Variants in TMEM132D observed in about 807,000 individuals in gnomAD.
The protein encoded by TMEM132D is transmembrane protein 132D, also known as mature OL transmembrane protein.
In TMEM132D, 21 loss-of-function variants were observed where a neutral mutation model predicts 62.3. The ratio of observed to expected loss-of-function variants is 0.34; its 90% CI spans 0.24 to 0.49. The LOEUF is 0.49. TMEM132D is among the 20% of genes least tolerant of loss of function. TMEM132D has a pLI of 0.99. For synonymous variants in TMEM132D, 621 were observed against 575.6 expected (o/e 1.08, Z -1.13); for missense variants, 1,346 against 1,402.8 (o/e 0.96, Z 0.65).
intron 2 of TMEM132D, among the ~76,000 whole-genome samples, chr12:129,605,587 T>TTATATGTGTA: frequency 9.3e-6 from 1 of 107,368 alleles, no homozygotes; most frequent in South Asian, 3.2e-4. Context: ...AAATTAGGCA[T>TTATATGTGTA]TATATATATA....
chr12:129,629,063 C>G (rs1033537476), intron 2 of TMEM132D, among the ~76,000 whole-genome samples: 60 of 152,120 alleles, frequency 3.9e-4, no homozygotes, highest in African/African-American at 1.4e-3. Flanking sequence ...TCTGTATGCC[C>G]CTTTCTCCCT....
At chr12:129,891,028 C>T (rs1195450678) in intron 1 of TMEM132D, among the ~76,000 whole-genome samples, 2 of 151,978 alleles carry the variant, frequency 1.3e-5, no homozygotes, top group Admixed American at 6.6e-5. Flanking sequence ...AACCTGTTGC[C>T]CTGACTGCTT....
intron 5 of TMEM132D, among the ~76,000 whole-genome samples, chr12:129,196,609 C>T (rs1279970475): frequency 6.6e-6 from 1 of 151,998 alleles, no homozygotes; most frequent in East Asian, 1.9e-4. Flanking sequence ...GGAGGAGTAT[C>T]TTGTGTGAGG....
chr12:129,868,555 G>C (rs777314380), intron 1 of TMEM132D, among the ~76,000 whole-genome samples: 4 of 152,140 alleles, frequency 2.6e-5, no homozygotes, highest in South Asian at 2.1e-4. Flanking sequence ...CTGTGGTCAA[G>C]TCAACTCCAT....
At chr12:129,532,432 C>A (rs1429928967) in intron 2 of TMEM132D, among the ~76,000 whole-genome samples, 1 of 152,116 alleles carries the variant, frequency 6.6e-6, no homozygotes, top group Non-Finnish European at 1.5e-5. Context: ...GGACAAAAGG[C>A]GAGGGGGAGA....
chr12:129,521,380 C>A lies in TMEM132D; in HGVS notation c.1115+9679G>T, dbSNP rs187004942. 65 of 152,214 alleles carry A rather than the reference C, an allele frequency of 4.3e-4. 1 individual carries two copies. In the East Asian group the frequency reaches 0.011, roughly 27 times the overall value. 9.4% of individuals were successfully genotyped at this position (152,214 alleles called of 1,614,324 possible). The stretch of plus-strand genomic sequence containing the variant: ...AGGTGAAAAAGCTTTTAACGCTACC[C>A]CTGATTAGAATGGCTGGTGAACGGA... On this transcript the variant is annotated intron_variant, in intron 3 of 8. Coordinates refer to ENST00000422113, the MANE Select transcript of TMEM132D (RefSeq NM_133448.3).
Position 129,815,479 on chromosome 12 carries a change from T to TG in TMEM132D, c.79+87781dup, listed in dbSNP as rs541122236. Among the ~76,000 whole-genome samples the TG allele has an allele frequency of 6.2e-4, 94 of 152,282 alleles. No homozygotes were observed. In the South Asian group the frequency reaches 0.016, roughly 25 times the overall value. On this transcript the variant is annotated intron_variant, in intron 1 of 8. Transcript: ENST00000422113. ...ACCGAACCCAAGCCTACAGCTATTC[T>TG]GGGGGGGTGACTGTCTCACCGTTCC...
At chr12:129,896,029 A>C (rs1284582144) in intron 1 of TMEM132D, among the ~76,000 whole-genome samples, 1 of 140,676 alleles carries the variant, frequency 7.1e-6, no homozygotes, top group Admixed American at 7.6e-5. Flanking sequence ...AGAGTGTATT[A>C]CATGATCACA....
rs144038257 is a variant in TMEM132D at position 129,114,386 on chromosome 12, C to CTCCTTCCT, written c.1444-29692_1444-29685dup. On this transcript the variant is annotated intron_variant, in intron 5 of 8. Coordinates refer to ENST00000422113, the MANE Select transcript of TMEM132D (RefSeq NM_133448.3). ...GTCAAGTTTGAGAAACAGTTGGAAA[C>CTCCTTCCT]TCCTTCCTTCCTTCCCTCCTTCCCT... 1.1e-3 allele frequency among the ~76,000 whole-genome samples: 167 copies of CTCCTTCCT among 145,838 alleles called. 1 individual carries two copies. The highest frequency in any genetic ancestry group is 1.9e-3 in the Admixed American group (27 of 14,092).
At chr12:129,757,975 T>C (rs1000680734) in intron 1 of TMEM132D, among the ~76,000 whole-genome samples, 1 of 152,226 alleles carries the variant, frequency 6.6e-6, no homozygotes, top group Non-Finnish European at 1.5e-5. Context: ...TGGTCTCGGC[T>C]CACTGCAACC....
intron 1 of TMEM132D, among the ~76,000 whole-genome samples, chr12:129,731,137 C>A (rs1205411902): frequency 6.6e-6 from 1 of 152,044 alleles, no homozygotes; most frequent in African/African-American, 2.4e-5. Flanking sequence ...ACCATTCAGT[C>A]CACGGTAGAA....
At chr12:129,895,979 T>C (rs1875108918) in intron 1 of TMEM132D, among the ~76,000 whole-genome samples, 1 of 149,748 alleles carries the variant, frequency 6.7e-6, no homozygotes, top group Non-Finnish European at 1.5e-5. Context: ...TTTTTTTTTT[T>C]TTTTGTTTGG....
At chr12:129,148,319 C>T (rs553144769) in intron 5 of TMEM132D, among the ~76,000 whole-genome samples, 1 of 152,248 alleles carries the variant, frequency 6.6e-6, no homozygotes, top group Non-Finnish European at 1.5e-5. Context: ...AATATGTCAC[C>T]TTACATGGCA....
intron 3 of TMEM132D, among the ~76,000 whole-genome samples, chr12:129,454,155 T>C (rs903042268): frequency 2.0e-5 from 3 of 152,236 alleles, no homozygotes; most frequent in African/African-American, 7.2e-5. Context: ...CTTTGTTTCC[T>C]ACCGAGTGCT....
At chr12:129,430,247 GTTTCCTGACT>G (rs1399775471) in intron 3 of TMEM132D, among the ~76,000 whole-genome samples, 8 of 152,192 alleles carry the variant, frequency 5.3e-5, no homozygotes, top group African/African-American at 1.9e-4. Flanking sequence ...AGCACCTGTC[GTTTCCTGACT>G]TTTTAATGAT....
chr12:129,588,001 C>A (rs1371374163), intron 2 of TMEM132D, among the ~76,000 whole-genome samples: 1 of 152,188 alleles, frequency 6.6e-6, no homozygotes, highest in East Asian at 1.9e-4. Flanking sequence ...GGAAGAGCCA[C>A]TTCCTCACCC....
intron 2 of TMEM132D, among the ~76,000 whole-genome samples, chr12:129,552,710 C>T (rs1876934502): frequency 6.6e-6 from 1 of 151,944 alleles, no homozygotes; most frequent in Non-Finnish European, 1.5e-5. Flanking sequence ...ACATCCATTA[C>T]CTATTATCTA....
At chr12:129,787,217 G>T (rs1871269969) in intron 1 of TMEM132D, among the ~76,000 whole-genome samples, 1 of 152,138 alleles carries the variant, frequency 6.6e-6, no homozygotes, top group African/African-American at 2.4e-5. Context: ...TTAATTTATA[G>T]ATATTAACAT....
At chr12:129,149,150 TCTCA>T (rs1464994658) in intron 5 of TMEM132D, among the ~76,000 whole-genome samples, 2 of 150,538 alleles carry the variant, frequency 1.3e-5, no homozygotes, top group Non-Finnish European at 2.9e-5. Context: ...CACCGCACGT[TCTCA>T]CTCACAAGTG....
Sources: gnomAD v4.1 joint callset for allele counts (sites outside exome capture counted in the v4.1 genomes callset) on GRCh38, gnomAD v4.1.1 for gene constraint, MANE v1.5 for transcripts, NCBI Gene and HGNC (gene_info 2026-07-23, HGNC 2026-07-21) for gene names.